The following DOK6 variants were observed in gnomAD, a reference collection of about 807,000 sequenced individuals.
DOK6 encodes the protein docking protein 6.
A neutral mutation model predicts 44.0 loss-of-function variants in DOK6; 22 were observed. The ratio of observed to expected loss-of-function variants is 0.50; its 90% CI spans 0.36 to 0.71. The LOEUF (loss-of-function observed/expected upper bound fraction) is 0.71, where lower values mean the gene tolerates loss of function less well. DOK6 is among the 30% of genes least tolerant of loss of function. DOK6 has a pLI of 0.00. For missense variants in DOK6, 340 were observed against 416.4 expected (o/e 0.82, Z 1.60); for synonymous variants, 166 against 145.5 (o/e 1.14, Z -1.01).
chr18:69,815,233 G>A (rs1238188312), intron 7 of DOK6, among the ~76,000 whole-genome samples: 2 of 152,088 alleles, frequency 1.3e-5, no homozygotes, highest in Non-Finnish European at 2.9e-5. Flanking sequence ...TTCCCCTAAG[G>A]GAAAACTAAA....
intron 7 of DOK6, among the ~76,000 whole-genome samples, chr18:69,827,894 T>C (rs1266643543): frequency 6.6e-6 from 1 of 151,988 alleles, no homozygotes; most frequent in African/African-American, 2.4e-5. Flanking sequence ...AGAAAAGAAA[T>C]GTAGCAAAAT....
intron 1 of DOK6, among the ~76,000 whole-genome samples, chr18:69,528,823 GT>G (rs146656165): frequency 0.03 from 4,547 of 152,254 alleles, 80 homozygotes; most frequent in Middle Eastern, 0.048. Context: ...GCAACTGACT[GT>G]GCTTATGTTT....
intron 1 of DOK6, among the ~76,000 whole-genome samples, chr18:69,417,179 T>G (rs183913459): frequency 6.6e-6 from 1 of 152,086 alleles, no homozygotes; most frequent in Non-Finnish European, 1.5e-5. Context: ...ATCTTATCCT[T>G]CTATCTAACT....
At chr18:69,632,641 A>G (rs1183443770) in intron 3 of DOK6, among the ~76,000 whole-genome samples, 1 of 152,212 alleles carries the variant, frequency 6.6e-6, no homozygotes, top group Non-Finnish European at 1.5e-5. Flanking sequence ...TGGTAGCAAG[A>G]TGATTAAAAG....
chr18:69,768,363 G>T (rs891235679), intron 7 of DOK6, among the ~76,000 whole-genome samples: 4 of 151,780 alleles, frequency 2.6e-5, no homozygotes, highest in African/African-American at 7.3e-5. Context: ...GGAGCATCTG[G>T]TTCACCATAT....
At chr18:69,831,873 T>A (rs947170726) in intron 7 of DOK6, among the ~76,000 whole-genome samples, 2 of 152,226 alleles carry the variant, frequency 1.3e-5, no homozygotes, top group Non-Finnish European at 2.9e-5. Flanking sequence ...AATTAATATA[T>A]GGTATATTGA....
At chr18:69,821,552 T>G (rs777904147) in intron 7 of DOK6, among the ~76,000 whole-genome samples, 2 of 152,176 alleles carry the variant, frequency 1.3e-5, no homozygotes, top group Non-Finnish European at 2.9e-5. Context: ...AGCAGTAGTC[T>G]CGTAGAGCAA....
chr18:69,805,220 G>C (rs1034291379), intron 7 of DOK6, among the ~76,000 whole-genome samples: 1 of 152,184 alleles, frequency 6.6e-6, no homozygotes, highest in Non-Finnish European at 1.5e-5. Context: ...CAAACATACT[G>C]TTGAGACAGT....
At chr18:69,473,948 C>T (rs960556145) in intron 1 of DOK6, among the ~76,000 whole-genome samples, 1 of 149,712 alleles carries the variant, frequency 6.7e-6, no homozygotes, top group Non-Finnish European at 1.5e-5. Context: ...ACCTTTCCCC[C>T]ATGCACCCAA....
intron 7 of DOK6, among the ~76,000 whole-genome samples, chr18:69,787,270 T>C (rs1980460214): frequency 6.6e-6 from 1 of 152,198 alleles, no homozygotes; most frequent in African/African-American, 2.4e-5. Flanking sequence ...ACTGAAAATA[T>C]TTTTATAACT....
intron 4 of DOK6, among the ~76,000 whole-genome samples, chr18:69,693,797 G>A (rs1986323007): frequency 6.6e-6 from 1 of 151,962 alleles, no homozygotes; most frequent in Admixed American, 6.6e-5. Flanking sequence ...GGTGGTTCAC[G>A]CCTGTAATCC....
intron 1 of DOK6, among the ~76,000 whole-genome samples, chr18:69,554,265 A>T (rs1982635604): frequency 6.6e-6 from 1 of 152,158 alleles, no homozygotes; most frequent in African/African-American, 2.4e-5. Context: ...CAATCCCAAT[A>T]CATTCCTTCC....
At chr18:69,623,936 A>T (rs73459971) in intron 3 of DOK6, among the ~76,000 whole-genome samples, 6,659 of 152,194 alleles carry the variant, frequency 0.044, 457 homozygotes, top group African/African-American at 0.15. Context: ...GAAAGGAGTA[A>T]TTTATAGTGC....
In DOK6 at chr18:69,848,256, T is replaced by C. The variant is rs1041471342; in HGVS notation, c.*6873T>C. 1 of 152,252 alleles carries C rather than the reference T, an allele frequency of 6.6e-6. No homozygotes were observed. Among genetic ancestry groups the C allele is most frequent in the Non-Finnish European group, 1.5e-5 (1 of 68,050 alleles). The allele number at this position is 152,252 out of a possible 1,614,324, so 9.4% of individuals were successfully genotyped here. On this transcript the variant is annotated 3_prime_UTR_variant, in exon 8 of 8. Coordinates refer to ENST00000382713, the MANE Select transcript of DOK6 (RefSeq NM_152721.6). ...ATATATACTTTGTGAAGTCTTATAC[T>C]GTACATCATAAAGCGATGTCATCTG...
chr18:69,781,671 G>A (rs957113038), intron 7 of DOK6, among the ~76,000 whole-genome samples: 3 of 151,982 alleles, frequency 2.0e-5, no homozygotes, highest in African/African-American at 7.2e-5. Flanking sequence ...GTGTTATGCA[G>A]GATTATATAA....
chr18:69,559,990 G>A (rs559150131), intron 1 of DOK6, among the ~76,000 whole-genome samples: 1 of 152,218 alleles, frequency 6.6e-6, no homozygotes, highest in East Asian at 1.9e-4. Context: ...CCAAATACTA[G>A]CACCTTGGGA....
chr18:69,413,989 G>A (rs1254468971), intron 1 of DOK6, among the ~76,000 whole-genome samples: 1 of 151,762 alleles, frequency 6.6e-6, no homozygotes, highest in East Asian at 1.9e-4. Context: ...ACATAAACAG[G>A]TGTCTGACAT....
intron 3 of DOK6, among the ~76,000 whole-genome samples, chr18:69,623,338 A>G (rs1754096261): frequency 6.6e-6 from 1 of 152,062 alleles, no homozygotes; most frequent in Non-Finnish European, 1.5e-5. Flanking sequence ...AGACTAATAC[A>G]CCACACTTTG....
At chr18:69,435,072 A>AAGGAAGGAAGGAAGGC (rs1978935869) in intron 1 of DOK6, among the ~76,000 whole-genome samples, 1 of 150,726 alleles carries the variant, frequency 6.6e-6, no homozygotes. Flanking sequence ...GGAAGGAAGG[A>AAGGAAGGAAGGAAGGC]AGGAAGGAAG....
Sources: gnomAD v4.1 joint callset for allele counts (sites outside exome capture counted in the v4.1 genomes callset) on GRCh38, gnomAD v4.1.1 for gene constraint, MANE v1.5 for transcripts, NCBI Gene and HGNC (gene_info 2026-07-23, HGNC 2026-07-21) for gene names.